Variants in LATS1 observed in about 807,000 individuals in gnomAD.
LATS1 encodes serine/threonine-protein kinase LATS1.
Under a neutral mutation model 106.6 loss-of-function variants are expected in LATS1, and 25 were observed. The observed-to-expected ratio is 0.23, with a 90% CI of 0.17 to 0.33. LATS1 has a LOEUF of 0.33. LATS1 is among the 10% of genes least tolerant of loss of function. LATS1 has a pLI of 1.00. For synonymous variants in LATS1, 465 were observed against 455.6 expected (o/e 1.02, Z -0.26); for missense variants, 1,040 against 1,382.6 (o/e 0.75, Z 3.93).
chr6:149,695,098 G>C lies in LATS1; in HGVS notation c.472C>G (p.Pro158Ala). The change falls in exon 3 of 8, where the codon CCT becomes GCT. Residue 158 changes from proline (P) to alanine (A), a missense_variant. Pro to Ala is a conservative substitution (Grantham distance 27). Around this residue, in one of 7 missense-constraint regions of LATS1, gnomAD observed 624 missense variants for 714.8 expected, o/e 0.87. Coordinates refer to ENST00000543571, the MANE Select transcript of LATS1 (RefSeq NM_004690.4). ...REQMAAAAAR[P>A]INASMKPGNV... is the part of the protein sequence containing the mutation. ...CCTGGTTTCATGCTGGCATTAATAG[G>C]TCTGGCAGCTGCTGCAGCCATCTGC... The C allele has an allele frequency of 6.2e-7, 1 of 1,608,876 alleles. No individual in the cohort carries two copies. The highest frequency in any genetic ancestry group is 8.5e-7 in the Non-Finnish European group (1 of 1,178,278).
intron 1 of LATS1, among the ~76,000 whole-genome samples, chr6:149,706,731 AAGCCAAGGATGACAGC>A (rs1229020550): frequency 6.6e-6 from 1 of 152,160 alleles, no homozygotes; most frequent in Non-Finnish European, 1.5e-5. Context: ...ATGAAGTCAG[AAGCCAAGGATGACAGC>A]AGCCAACAGA....
chr6:149,676,436 AC>A (rs1781727618), intron 6 of LATS1, 70 bp from the exon 7 acceptor site: 1 of 1,347,558 alleles, frequency 7.4e-7, no homozygotes. Flanking sequence ...ACATTAAATC[AC>A]CAATTTATAC....
In LATS1 at chr6:149,659,066, A is replaced by C. The variant is rs950535080; in HGVS notation, c.*2663T>G. ...AAGAAGTAGATGTAGTTTTGGAATA[A>C]GATAGCTGATAAGTATATCCAAACT... On this transcript the variant is annotated 3_prime_UTR_variant, in exon 8 of 8. Coordinates refer to ENST00000543571, the MANE Select transcript of LATS1 (RefSeq NM_004690.4). 6.5e-6 allele frequency: 1 copy of C among 154,266 alleles called. No individual in the cohort carries two copies. The highest frequency in any genetic ancestry group is 2.4e-5 in the African/African-American group (1 of 41,520). The allele number at this position is 154,266 out of a possible 1,614,324, so 9.6% of individuals were successfully genotyped here.
At position 149,684,052 on chromosome 6, in the gene LATS1, C is replaced by T; in HGVS notation, c.1037G>A (p.Gly346Glu). The T allele has an allele frequency of 6.2e-7, 1 of 1,614,090 alleles. No individual in the cohort carries two copies. The highest frequency in any genetic ancestry group is 8.5e-7 in the Non-Finnish European group (1 of 1,180,016). The change falls in exon 4 of 8, where the codon GGA (glycine) becomes GAA (glutamate). Residue 346 changes from glycine (G) to glutamate (E), a missense_variant. Gly to Glu is a moderately conservative substitution (Grantham distance 98, BLOSUM62 -2). Transcript: ENST00000543571. ...AGTTTGTCCAGTACCATTCTGCATT[C>T]CAGGTCTCCCTGATGGAAAGTTAAA... ...SKFNFPSGRPGMQNGTGQTDF... is the reference protein window; with the variant it reads ...SKFNFPSGRPEMQNGTGQTDF...
At chr6:149,678,345 A>AAAAC (rs10683825) in intron 5 of LATS1, among the ~76,000 whole-genome samples, 66,023 of 149,708 alleles carry the variant, frequency 0.44, 15,623 homozygotes, top group East Asian at 0.8. Flanking sequence ...CTCCGTCTCA[A>AAAAC]AAACAAACAA....
chr6:149,668,014 G>A (rs1370250489), intron 7 of LATS1, among the ~76,000 whole-genome samples: 1 of 152,140 alleles, frequency 6.6e-6, no homozygotes, highest in Admixed American at 6.5e-5. Flanking sequence ...TCCGCCTCCT[G>A]GGTTCAAGCA....
chr6:149,666,111 C>A (rs555230114), intron 7 of LATS1, among the ~76,000 whole-genome samples: 2 of 129,486 alleles, frequency 1.5e-5, no homozygotes, highest in African/African-American at 6.1e-5. Context: ...CTCACTCCAG[C>A]CTGGGTGACA....
chr6:149,711,201 A>G (rs1463641272), intron 1 of LATS1, among the ~76,000 whole-genome samples: 1 of 152,084 alleles, frequency 6.6e-6, no homozygotes, highest in Non-Finnish European at 1.5e-5. Flanking sequence ...AACCAAACAG[A>G]TCGGAAGAGG....
Position 149,718,026 on chromosome 6 carries a change from C to T in LATS1, c.-318G>A, listed in dbSNP as rs750330878. 1 of 345,302 alleles carries T rather than the reference C, an allele frequency of 2.9e-6. No individual in the cohort carries two copies. Among genetic ancestry groups the T allele is most frequent in the South Asian group, 2.0e-5 (1 of 50,634 alleles). The allele number at this position is 345,302 out of a possible 1,614,324, so 21.4% of individuals were successfully genotyped here. ...CCAGGGGTCGTGAGGACCTGGCTCT[C>T]CCCTTAACACCAGGCCACCGCCGCC... On this transcript the variant is annotated 5_prime_UTR_variant, in exon 1 of 8. Coordinates refer to ENST00000543571, the MANE Select transcript of LATS1 (RefSeq NM_004690.4).
chr6:149,664,698 C>T (rs1295812470), intron 7 of LATS1, among the ~76,000 whole-genome samples: 2 of 152,094 alleles, frequency 1.3e-5, no homozygotes, highest in Non-Finnish European at 2.9e-5. Context: ...TTTGAAGTAC[C>T]ATTAAACCTG....
intron 1 of LATS1, among the ~76,000 whole-genome samples, chr6:149,708,232 T>C (rs868245292): frequency 4.6e-5 from 7 of 152,156 alleles, no homozygotes; most frequent in African/African-American, 9.6e-5. Context: ...CTGGTCAATA[T>C]GGTGAAACCC....
At chr6:149,712,930 G>A (rs1784185781) in intron 1 of LATS1, among the ~76,000 whole-genome samples, 1 of 152,106 alleles carries the variant, frequency 6.6e-6, no homozygotes. Context: ...AGGAGGTCGA[G>A]GCTGCAGTGA....
chr6:149,677,080 C>T (rs1781763531), intron 5 of LATS1, among the ~76,000 whole-genome samples: 1 of 152,188 alleles, frequency 6.6e-6, no homozygotes, highest in African/African-American at 2.4e-5. Context: ...TTAGATCCAT[C>T]TTTCATTCAA....
At chr6:149,665,502 A>T (rs1273709420) in intron 7 of LATS1, among the ~76,000 whole-genome samples, 1 of 152,172 alleles carries the variant, frequency 6.6e-6, no homozygotes, top group Non-Finnish European at 1.5e-5. Context: ...GGATAAGTAA[A>T]GCCTCACTTT....
chr6:149,687,697 T>C (rs534238090), intron 3 of LATS1, among the ~76,000 whole-genome samples: 251 of 151,988 alleles, frequency 1.7e-3, no homozygotes, highest in Non-Finnish European at 2.5e-3. Flanking sequence ...CCTCCCAAAA[T>C]GCTAGGATTA....
chr6:149,680,201 A>C lies in LATS1; in HGVS notation c.2267T>G (p.Ile756Ser). 1 of 1,614,126 alleles carries C rather than the reference A, an allele frequency of 6.2e-7. No individual in the cohort carries two copies. Among genetic ancestry groups the C allele is most frequent in the Non-Finnish European group, 8.5e-7 (1 of 1,179,982 alleles). ...CCATTCATTGTCAGCTTCAGCCAGG[A>C]TATCTCTCTCAGCCTTAACATGAGC... is the stretch of plus-strand genomic sequence containing the variant. Reference protein sequence around the residue: ...QVAHVKAERDILAEADNEWVV... With the variant: ...QVAHVKAERDSLAEADNEWVV... Residue 756 changes from isoleucine to serine, a missense_variant, in exon 5 of 8, where the codon ATC (isoleucine) becomes AGC (serine). Ile to Ser is a moderately radical substitution (Grantham distance 142). Around this residue, in one of 7 missense-constraint regions of LATS1, gnomAD observed 167 missense variants for 332.1 expected, o/e 0.50. Coordinates refer to ENST00000543571, the MANE Select transcript of LATS1 (RefSeq NM_004690.4).
intron 1 of LATS1, among the ~76,000 whole-genome samples, chr6:149,715,629 C>A (rs960699485): frequency 6.6e-6 from 1 of 152,048 alleles, no homozygotes; most frequent in African/African-American, 2.4e-5. Context: ...AATAAAAATT[C>A]TTGTGCACAC....
At chr6:149,712,267 G>T (rs1057272522) in intron 1 of LATS1, among the ~76,000 whole-genome samples, 1 of 152,036 alleles carries the variant, frequency 6.6e-6, no homozygotes, top group African/African-American at 2.4e-5. Flanking sequence ...GCGCGATCTT[G>T]GCTCACCGCA....
intron 3 of LATS1, among the ~76,000 whole-genome samples, chr6:149,689,397 C>T (rs1368194469): frequency 6.9e-6 from 1 of 145,308 alleles, no homozygotes; most frequent in Non-Finnish European, 1.5e-5. Flanking sequence ...TCAGGCTGGG[C>T]ACGGTGGCTC....
Sources: gnomAD v4.1 joint callset for allele counts (sites outside exome capture counted in the v4.1 genomes callset) on GRCh38, gnomAD v4.1.1 for gene constraint, gnomAD v4.1.1 regional missense constraint, MANE v1.5 for transcripts, NCBI Gene and HGNC (gene_info 2026-07-23, HGNC 2026-07-21) for gene names.